The following SGCZ variants were observed in gnomAD, a reference collection of about 807,000 sequenced individuals.
SGCZ encodes zeta-sarcoglycan.
A neutral mutation model predicts 41.3 loss-of-function variants in SGCZ; 40 were observed. The observed-to-expected ratio is 0.97, with a 90% CI of 0.75 to 1.26. The LOEUF is 1.26. Among genes scored for constraint, SGCZ ranks in the 50% most tolerant of loss-of-function variants. The pLI is 0.00. For synonymous variants in SGCZ, 206 were observed against 137.5 expected, an observed-to-expected ratio of 1.50 and a Z score of -3.49; for missense variants, 552 against 369.8, an observed-to-expected ratio of 1.49 and a Z score of -4.04.
At chr8:14,952,501 T>C (rs928743643) in intron 1 of SGCZ, among the ~76,000 whole-genome samples, 5 of 152,178 alleles carry the variant, frequency 3.3e-5, no homozygotes, top group Admixed American at 6.6e-5. Flanking sequence ...GGAGGCATCA[T>C]TGAGTTAACC....
chr8:14,980,724 C>G (rs1012137817), intron 1 of SGCZ, among the ~76,000 whole-genome samples: 1 of 139,116 alleles, frequency 7.2e-6, no homozygotes, highest in Admixed American at 7.6e-5. Flanking sequence ...GGAAACTGCC[C>G]CTGTGATTCA....
intron 3 of SGCZ, among the ~76,000 whole-genome samples, chr8:14,308,568 T>C (rs190055860): frequency 2.1e-4 from 32 of 152,084 alleles, no homozygotes; most frequent in Non-Finnish European, 3.4e-4. Context: ...TTTATACTGC[T>C]TGTGTTTGTT....
chr8:15,162,314 T>A (rs1414564385), intron 1 of SGCZ, among the ~76,000 whole-genome samples: 1 of 152,164 alleles, frequency 6.6e-6, no homozygotes, highest in African/African-American at 2.4e-5. Flanking sequence ...GGCCAAAAGT[T>A]CTGTGGCCAG....
At chr8:14,843,898 G>C (rs187576383) in intron 1 of SGCZ, among the ~76,000 whole-genome samples, 3 of 151,882 alleles carry the variant, frequency 2.0e-5, no homozygotes, top group African/African-American at 7.2e-5. Context: ...CCAAATATCA[G>C]CCTCTGATGA....
At chr8:14,380,334 A>G (rs961389543) in intron 2 of SGCZ, among the ~76,000 whole-genome samples, 1 of 152,162 alleles carries the variant, frequency 6.6e-6, no homozygotes, top group African/African-American at 2.4e-5. Flanking sequence ...TTCAATCAAT[A>G]TTAGATAATC....
chr8:14,718,550 G>A (rs903504515), intron 1 of SGCZ, among the ~76,000 whole-genome samples: 1 of 151,946 alleles, frequency 6.6e-6, no homozygotes, highest in Non-Finnish European at 1.5e-5. Context: ...TAATGGCTGT[G>A]GACGCAAACC....
chr8:15,113,060 T>C (rs1807130717), intron 1 of SGCZ, among the ~76,000 whole-genome samples: 1 of 151,782 alleles, frequency 6.6e-6, no homozygotes, highest in African/African-American at 2.4e-5. Flanking sequence ...AATACAAAAA[T>C]TAGCCAGATG....
chr8:14,229,738 C>G (rs962190598), intron 4 of SGCZ, among the ~76,000 whole-genome samples: 3 of 151,708 alleles, frequency 2.0e-5, no homozygotes, highest in Non-Finnish European at 4.4e-5. Flanking sequence ...CATCCTATAC[C>G]ATCTGCAGTC....
At chr8:15,152,494 T>A (rs899027685) in intron 1 of SGCZ, among the ~76,000 whole-genome samples, 1 of 152,168 alleles carries the variant, frequency 6.6e-6, no homozygotes, top group South Asian at 2.1e-4. Flanking sequence ...TAAAAGCAGG[T>A]CCTTGCAAGC....
chr8:14,115,674 T>TA (rs1802501201), intron 5 of SGCZ, among the ~76,000 whole-genome samples: 1 of 150,698 alleles, frequency 6.6e-6, no homozygotes, highest in African/African-American at 2.4e-5. Context: ...TCTTTTTTAA[T>TA]TTTTTTTTGT....
intron 1 of SGCZ, among the ~76,000 whole-genome samples, chr8:15,165,058 C>T (rs1799620997): frequency 1.3e-5 from 2 of 151,898 alleles, no homozygotes; most frequent in Admixed American, 1.3e-4. Flanking sequence ...TTGGGAGGCC[C>T]AGGTGGGCAG....
chr8:15,177,248 T>C (rs1800028322), intron 1 of SGCZ, among the ~76,000 whole-genome samples: 3 of 152,176 alleles, frequency 2.0e-5, no homozygotes, highest in Admixed American at 1.3e-4. Flanking sequence ...ATAAAGGGCA[T>C]TTAGATGTTC....
chr8:14,560,839 G>C (rs1158269828), intron 1 of SGCZ, among the ~76,000 whole-genome samples: 2 of 150,664 alleles, frequency 1.3e-5, no homozygotes, highest in Non-Finnish European at 2.9e-5. Flanking sequence ...ATAACAAGAG[G>C]CTAAAAGAAA....
chr8:14,911,419 T>C (rs976838875), intron 1 of SGCZ, among the ~76,000 whole-genome samples: 1 of 151,994 alleles, frequency 6.6e-6, no homozygotes, highest in Non-Finnish European at 1.5e-5. Flanking sequence ...AGCTATTGAA[T>C]CAAGAGCAGC....
intron 3 of SGCZ, among the ~76,000 whole-genome samples, chr8:14,247,560 G>C (rs920414489): frequency 2.0e-5 from 3 of 152,194 alleles, no homozygotes; most frequent in African/African-American, 7.2e-5. Context: ...TCTATCTAAA[G>C]TAACAAAGAT....
intron 1 of SGCZ, among the ~76,000 whole-genome samples, chr8:15,176,777 G>A (rs751057702): frequency 4.6e-5 from 7 of 152,226 alleles, no homozygotes; most frequent in East Asian, 1.9e-4. Flanking sequence ...CGAGGTGGGC[G>A]GATCACAAGG....
At chr8:14,584,153 A>G (rs1336272737) in intron 1 of SGCZ, among the ~76,000 whole-genome samples, 1 of 152,182 alleles carries the variant, frequency 6.6e-6, no homozygotes, top group Non-Finnish European at 1.5e-5. Flanking sequence ...AGATTTAAAT[A>G]GCAAAAGGGG....
At position 15,220,266 on chromosome 8, in the gene SGCZ, C is replaced by T. The variant is rs117282568; in HGVS notation, c.39+17319G>A. ...TTGTAGCTCTCTTTGGACAAACTGA[C>T]GTTTATATACATCAGTTCCTTACTC... On this transcript the variant is annotated intron_variant, in intron 1 of 7. Transcript: ENST00000382080. Among the ~76,000 whole-genome samples, 158 of 152,258 alleles carry T rather than the reference C, an allele frequency of 1.0e-3. 1 individual carries two copies. The East Asian group carries it at 0.028, about 27-fold the overall frequency.
At chr8:14,569,634 T>C (rs902966310) in intron 1 of SGCZ, among the ~76,000 whole-genome samples, 1 of 152,112 alleles carries the variant, frequency 6.6e-6, no homozygotes, top group Middle Eastern at 3.2e-3. Flanking sequence ...AAAACATAAA[T>C]GTAACATATG....
Sources: allele counts gnomAD v4.1 joint callset (sites outside exome capture counted in the v4.1 genomes callset), GRCh38; gene constraint gnomAD v4.1.1; transcripts MANE v1.5; gene names NCBI Gene and HGNC (gene_info 2026-07-23, HGNC 2026-07-21).